CHRM3: variants seen among roughly 807,000 people sequenced by gnomAD.
CHRM3 encodes cholinergic receptor muscarinic 3.
In CHRM3, 11 loss-of-function variants were observed where a neutral mutation model predicts 41.8. The ratio of observed to expected loss-of-function variants is 0.26; its 90% CI spans 0.17 to 0.44. The LOEUF is 0.44. CHRM3 is among the 20% of genes least tolerant of loss of function. CHRM3 has a pLI of 1.00. For missense variants in CHRM3, 571 were observed against 745.4 expected, an observed-to-expected ratio of 0.77 and a Z score of 2.72; for synonymous variants, 297 against 301.4, an observed-to-expected ratio of 0.99 and a Z score of 0.15.
chr1:239,477,991 G>A (rs538727695), intron 1 of CHRM3, among the ~76,000 whole-genome samples: 15 of 152,278 alleles, frequency 9.9e-5, no homozygotes, highest in African/African-American at 3.4e-4. Flanking sequence ...TGCACCTAGG[G>A]TGTGATAATC....
chr1:239,696,819 G>A (rs1660239312), intron 5 of CHRM3, among the ~76,000 whole-genome samples: 1 of 152,102 alleles, frequency 6.6e-6, no homozygotes, highest in Non-Finnish European at 1.5e-5. Flanking sequence ...ATACAGAGAA[G>A]CCTCAGGACA....
At chr1:239,429,267 CAAAT>C (rs1662637092) in intron 1 of CHRM3, among the ~76,000 whole-genome samples, 1 of 152,080 alleles carries the variant, frequency 6.6e-6, no homozygotes, top group Admixed American at 6.6e-5. Context: ...TTCCGCCTGT[CAAAT>C]GAATATAGTG....
chr1:239,633,550 T>TA (rs1474110954), intron 4 of CHRM3, among the ~76,000 whole-genome samples: 2 of 152,128 alleles, frequency 1.3e-5, no homozygotes, highest in Non-Finnish European at 2.9e-5. Context: ...AGTGCCCAGC[T>TA]AAAAAATATT....
At chr1:239,401,785 G>T (rs1308501536) in intron 1 of CHRM3, among the ~76,000 whole-genome samples, 5 of 152,122 alleles carry the variant, frequency 3.3e-5, no homozygotes, top group Non-Finnish European at 7.4e-5. Context: ...GAGATACCAT[G>T]CCCGGCAGAC....
intron 1 of CHRM3, among the ~76,000 whole-genome samples, chr1:239,404,454 G>GAAAGAA (rs1660391556): frequency 7.3e-6 from 1 of 136,914 alleles, no homozygotes; most frequent in African/African-American, 2.8e-5. Flanking sequence ...AAGAAAGAAA[G>GAAAGAA]AAAGAAAGAA....
At chr1:239,604,685 A>C (rs926754500) in intron 3 of CHRM3, among the ~76,000 whole-genome samples, 9 of 152,228 alleles carry the variant, frequency 5.9e-5, no homozygotes, top group African/African-American at 2.2e-4. Flanking sequence ...AATAGATCTC[A>C]ACACAGATGA....
chr1:239,449,862 G>C (rs1160296231), intron 1 of CHRM3, among the ~76,000 whole-genome samples: 1 of 152,006 alleles, frequency 6.6e-6, no homozygotes, highest in African/African-American at 2.4e-5. Flanking sequence ...CTAAATTCAA[G>C]TCCCTGCGTG....
chr1:239,476,346 A>G (rs1236933107), intron 1 of CHRM3, among the ~76,000 whole-genome samples: 4 of 151,990 alleles, frequency 2.6e-5, no homozygotes, highest in South Asian at 2.1e-4. Context: ...GGCGCCTGTA[A>G]TCCCAGCTAC....
At chr1:239,589,363 G>C (rs564175589) in intron 3 of CHRM3, among the ~76,000 whole-genome samples, 8 of 151,782 alleles carry the variant, frequency 5.3e-5, no homozygotes, top group African/African-American at 1.9e-4. Context: ...CTTCCTACCT[G>C]TGTAGACATC....
At chr1:239,878,052 G>A (rs1330768955) in intron 6 of CHRM3, among the ~76,000 whole-genome samples, 3 of 151,576 alleles carry the variant, frequency 2.0e-5, no homozygotes, top group South Asian at 2.1e-4. Flanking sequence ...CACCACACCC[G>A]GCTAATTTTT....
At chr1:239,640,542 T>A (rs1205035662) in intron 4 of CHRM3, among the ~76,000 whole-genome samples, 1 of 152,150 alleles carries the variant, frequency 6.6e-6, no homozygotes, top group Non-Finnish European at 1.5e-5. Context: ...GATTTTCTAG[T>A]TTATTTGTGT....
intron 6 of CHRM3, among the ~76,000 whole-genome samples, chr1:239,836,608 A>G (rs761770192): frequency 8.5e-5 from 13 of 152,096 alleles, no homozygotes; most frequent in Non-Finnish European, 1.6e-4. Flanking sequence ...CTGAGAGCAG[A>G]CCCTCTTAGG....
chr1:239,800,214 G>A (rs1294443437), intron 5 of CHRM3, among the ~76,000 whole-genome samples: 1 of 152,070 alleles, frequency 6.6e-6, no homozygotes, highest in East Asian at 1.9e-4. Flanking sequence ...CTTTGTGTTC[G>A]CTTCTCCTTA....
chr1:239,756,579 G>A (rs1269763323), intron 5 of CHRM3, among the ~76,000 whole-genome samples: 1 of 152,122 alleles, frequency 6.6e-6, no homozygotes, highest in African/African-American at 2.4e-5. Flanking sequence ...TGTCTAATAA[G>A]GAGGAAAAAT....
chr1:239,543,513 A>ATTTTT (rs71166879), intron 2 of CHRM3, among the ~76,000 whole-genome samples: 1 of 145,178 alleles, frequency 6.9e-6, no homozygotes, highest in South Asian at 2.2e-4. Context: ...GATTTATTTT[A>ATTTTT]TTTTTTTTTT....
At chr1:239,575,773 A>G (rs1662277018) in intron 3 of CHRM3, among the ~76,000 whole-genome samples, 1 of 151,860 alleles carries the variant, frequency 6.6e-6, no homozygotes, top group African/African-American at 2.4e-5. Context: ...ATATATATAC[A>G]CACACAGGGT....
At chr1:239,804,939 T>C (rs1332045765) in intron 5 of CHRM3, among the ~76,000 whole-genome samples, 1 of 152,204 alleles carries the variant, frequency 6.6e-6, no homozygotes, top group Non-Finnish European at 1.5e-5. Flanking sequence ...TACTATTTAG[T>C]CTCTGCTAAT....
intron 3 of CHRM3, among the ~76,000 whole-genome samples, chr1:239,551,919 G>T (rs186754045): frequency 7.3e-4 from 111 of 152,180 alleles, no homozygotes; most frequent in African/African-American, 2.4e-3. Flanking sequence ...ATAAGCTATT[G>T]TAGATTAACA....
intron 6 of CHRM3, among the ~76,000 whole-genome samples, chr1:239,859,818 T>TA (rs1389018001): frequency 1.1e-3 from 79 of 70,950 alleles, no homozygotes; most frequent in African/African-American, 2.8e-3. Context: ...TTCTAAGTGT[T>TA]TTATATATAT....
Sources: gnomAD v4.1 joint callset for allele counts (sites outside exome capture counted in the v4.1 genomes callset) on GRCh38, gnomAD v4.1.1 for gene constraint, MANE v1.5 for transcripts, NCBI Gene and HGNC (gene_info 2026-07-23, HGNC 2026-07-21) for gene names.